Variants in AIG1 observed in about 807,000 individuals in gnomAD.
AIG1 encodes the protein androgen-induced gene 1 protein.
In AIG1, 23 loss-of-function variants were observed where a neutral mutation model predicts 31.4. That is an observed-to-expected ratio of 0.73 (90% CI 0.53 to 1.04). The LOEUF (loss-of-function observed/expected upper bound fraction) is 1.04. Ranked by LOEUF, AIG1 falls within the 50% of genes least tolerant of loss-of-function variation. The pLI is 0.00. For synonymous variants in AIG1, 100 were observed against 110.5 expected (o/e 0.90, Z 0.60); for missense variants, 274 against 295.0 (o/e 0.93, Z 0.52).
chr6:143,266,502 C>T (rs894063103), intron 3 of AIG1, among the ~76,000 whole-genome samples: 3 of 152,152 alleles, frequency 2.0e-5, no homozygotes, highest in African/African-American at 7.2e-5. Context: ...AACACACACA[C>T]ACACAACTAT....
chr6:143,262,963 T>A (rs1433219443), intron 3 of AIG1, among the ~76,000 whole-genome samples: 1 of 152,210 alleles, frequency 6.6e-6, no homozygotes, highest in African/African-American at 2.4e-5. Flanking sequence ...ATATTATTCA[T>A]AAAATTAACA....
At chr6:143,167,243 G>A (rs1183242427) in intron 3 of AIG1, among the ~76,000 whole-genome samples, 1 of 152,142 alleles carries the variant, frequency 6.6e-6, no homozygotes, top group Non-Finnish European at 1.5e-5. Flanking sequence ...GCAGGCTCTG[G>A]CCAAAAGGCA....
chr6:143,269,366 G>A (rs976783560), intron 3 of AIG1, among the ~76,000 whole-genome samples: 6 of 152,204 alleles, frequency 3.9e-5, no homozygotes, highest in African/African-American at 1.2e-4. Context: ...CACTGCTGAC[G>A]GGAGGGTCTA....
Position 143,195,647 on chromosome 6 carries a change from A to C in AIG1, c.399+30464A>C, listed in dbSNP as rs556639405. 5.3e-5 allele frequency among the ~76,000 whole-genome samples: 8 copies of C among 151,072 alleles called. No homozygotes were observed. In the South Asian group the frequency reaches 1.5e-3, roughly 27 times the overall value. On this transcript the variant is annotated intron_variant, in intron 3 of 5. Transcript: ENST00000357847. Reference sequence around the variant, plus strand: ...CCTGAGGGAGCACGGGGGAGGACACAACACAGGGAAGCTGGGAGGGAGCCC... The same window carrying C: ...CCTGAGGGAGCACGGGGGAGGACACCACACAGGGAAGCTGGGAGGGAGCCC...
chr6:143,166,058 G>C lies in AIG1; in HGVS notation c.399+875G>C, dbSNP rs141162361. Among the ~76,000 whole-genome samples the C allele has an allele frequency of 9.9e-3, 1,511 of 152,234 alleles. 21 individuals are homozygous for C. The highest frequency in any genetic ancestry group is 0.035 in the African/African-American group (1,445 of 41,532). On this transcript the variant is annotated intron_variant, in intron 3 of 5. Coordinates refer to ENST00000357847, the MANE Select transcript of AIG1 (RefSeq NM_016108.4). ...GGAAGAGCTGGAAATCATGAGTCTT[G>C]AGTACAAAATAACAGTTTCCCTTCT...
chr6:143,228,909 G>C (rs1231694544), intron 3 of AIG1, among the ~76,000 whole-genome samples: 2 of 152,212 alleles, frequency 1.3e-5, no homozygotes, highest in East Asian at 3.8e-4. Flanking sequence ...AAAAGGCAAA[G>C]GTTGCTTTTG....
intron 3 of AIG1, among the ~76,000 whole-genome samples, chr6:143,271,095 C>T (rs1796495032): frequency 6.6e-6 from 1 of 152,198 alleles, no homozygotes; most frequent in Non-Finnish European, 1.5e-5. Flanking sequence ...TTGGAAGCCA[C>T]CACACTCAGG....
intron 1 of AIG1, among the ~76,000 whole-genome samples, chr6:143,116,935 G>A (rs1781789763): frequency 6.6e-6 from 1 of 152,036 alleles, no homozygotes; most frequent in Non-Finnish European, 1.5e-5. Context: ...AGCCTGTGTT[G>A]CATAGGACAG....
At chr6:143,271,665 C>T (rs1030027952) in intron 3 of AIG1, among the ~76,000 whole-genome samples, 3 of 152,066 alleles carry the variant, frequency 2.0e-5, no homozygotes, top group Non-Finnish European at 4.4e-5. Context: ...TTATAAAAGT[C>T]GATGGAAATG....
intron 3 of AIG1, among the ~76,000 whole-genome samples, chr6:143,176,053 G>A (rs1055739806): frequency 3.3e-5 from 5 of 152,124 alleles, no homozygotes; most frequent in African/African-American, 9.7e-5. Context: ...CCTGAGAATC[G>A]AACTGCAGTG....
intron 3 of AIG1, among the ~76,000 whole-genome samples, chr6:143,181,076 A>G (rs1788672865): frequency 6.6e-6 from 1 of 152,186 alleles, no homozygotes; most frequent in Non-Finnish European, 1.5e-5. Context: ...TGTGCCTTTC[A>G]TTACTCATGG....
chr6:143,069,678 T>G (rs1777075063), intron 1 of AIG1, among the ~76,000 whole-genome samples: 1 of 152,186 alleles, frequency 6.6e-6, no homozygotes, highest in Non-Finnish European at 1.5e-5. Flanking sequence ...TTATTAAGCT[T>G]TGAGAGGTTT....
At chr6:143,083,368 T>A (rs571251848) in intron 1 of AIG1, among the ~76,000 whole-genome samples, 4 of 152,252 alleles carry the variant, frequency 2.6e-5, no homozygotes, top group African/African-American at 9.6e-5. Flanking sequence ...ACCCTTGGGG[T>A]AAAACAGTCC....
chr6:143,251,711 T>C (rs1795025727), intron 3 of AIG1, among the ~76,000 whole-genome samples: 1 of 152,206 alleles, frequency 6.6e-6, no homozygotes, highest in Admixed American at 6.5e-5. Context: ...TACTGCACTT[T>C]CAAGCTGCAA....
chr6:143,249,767 G>A (rs573002266), intron 3 of AIG1, among the ~76,000 whole-genome samples: 1 of 152,258 alleles, frequency 6.6e-6, no homozygotes, highest in East Asian at 1.9e-4. Flanking sequence ...TATGTTTGCT[G>A]ATGCCCTATG....
chr6:143,060,343 C>G (rs1236355840), upstream of AIG1, among the ~76,000 whole-genome samples: 1 of 152,208 alleles, frequency 6.6e-6, no homozygotes, highest in African/African-American at 2.4e-5. Context: ...ACCCCACGTT[C>G]ACACCCCCAC....
chr6:143,177,531 G>A (rs906941666), intron 3 of AIG1, among the ~76,000 whole-genome samples: 1 of 152,200 alleles, frequency 6.6e-6, no homozygotes, highest in Non-Finnish European at 1.5e-5. Flanking sequence ...CAGTATGGGG[G>A]CAGTAATGTA....
chr6:143,246,155 AG>A (rs1794608281), intron 3 of AIG1, among the ~76,000 whole-genome samples: 2 of 152,300 alleles, frequency 1.3e-5, no homozygotes, highest in Admixed American at 1.3e-4. Flanking sequence ...GACTCAACTT[AG>A]GTAAACTACC....
intron 4 of AIG1, among the ~76,000 whole-genome samples, chr6:143,286,533 T>G (rs1441184946): frequency 6.6e-6 from 1 of 152,118 alleles, no homozygotes; most frequent in African/African-American, 2.4e-5. Flanking sequence ...AATCCAAGAT[T>G]TTAATTGTTA....
Sources: gnomAD v4.1 joint callset for allele counts (sites outside exome capture counted in the v4.1 genomes callset) on GRCh38, gnomAD v4.1.1 for gene constraint, MANE v1.5 for transcripts, NCBI Gene and HGNC (gene_info 2026-07-23, HGNC 2026-07-21) for gene names.